The following SEC24A variants were observed in gnomAD, a reference collection of about 807,000 sequenced individuals.
The protein encoded by SEC24A is SEC24 homolog A, COPII component.
SEC24A carries 93 observed loss-of-function variants against 129.4 expected under a neutral mutation model. The ratio of observed to expected loss-of-function variants is 0.72; its 90% CI spans 0.61 to 0.85. SEC24A has a LOEUF of 0.85. Among genes scored for constraint, SEC24A ranks in the 40% least tolerant of loss-of-function variants. SEC24A has a pLI of 0.00. For missense variants in SEC24A, 1,264 were observed against 1,307.4 expected (o/e 0.97, Z 0.51); for synonymous variants, 460 against 467.3 (o/e 0.98, Z 0.20).
rs377411107 is a variant in SEC24A, at chr5:134,698,063, A to G, written c.2266+6A>G. 2.5e-6 allele frequency: 4 copies of G among 1,601,910 alleles called. No homozygotes were observed. The highest frequency in any genetic ancestry group is 1.1e-5 in the South Asian group (1 of 88,250). ...GAGGATTCGGTGCACCAAAGGTAGG[A>G]ATATTTTTTTTTTGCGTAGGACTGA... On this transcript the variant is annotated splice_donor_region_variant and intron_variant, in intron 15 of 22. Transcript: ENST00000398844.
intron 19 of SEC24A, among the ~76,000 whole-genome samples, chr5:134,717,224 C>A (rs953760304): frequency 2.6e-5 from 4 of 151,988 alleles, no homozygotes; most frequent in Non-Finnish European, 4.4e-5. Context: ...AAGTTAATGG[C>A]CAGGCACGGT....
intron 1 of SEC24A, among the ~76,000 whole-genome samples, chr5:134,651,069 C>T (rs923326222): frequency 6.7e-6 from 1 of 149,370 alleles, no homozygotes; most frequent in Admixed American, 6.8e-5. Flanking sequence ...GCCACTGTGC[C>T]TGGCCTCTAC....
At chr5:134,669,618 G>A (rs1580692983) in intron 3 of SEC24A, among the ~76,000 whole-genome samples, 1 of 151,816 alleles carries the variant, frequency 6.6e-6, no homozygotes, top group South Asian at 2.1e-4. Flanking sequence ...TGGGACTACA[G>A]GCGCCTGCCA....
At chr5:134,685,676 G>C (rs1751426989) in intron 9 of SEC24A, among the ~76,000 whole-genome samples, 1 of 151,856 alleles carries the variant, frequency 6.6e-6, no homozygotes, top group South Asian at 2.1e-4. Flanking sequence ...CAAATCTTTG[G>C]ATTTGGAAGT....
chr5:134,661,557 C>T lies in SEC24A; in HGVS notation c.536C>T (p.Pro179Leu). The T allele has an allele frequency of 1.2e-6, 2 of 1,613,292 alleles. No individual in the cohort carries two copies. Among genetic ancestry groups the T allele is most frequent in the Admixed American group, 1.7e-5 (1 of 59,972 alleles). The change falls in exon 2 of 23, where the codon CCT becomes CTT. Residue 179 changes from proline to leucine, a missense_variant. By Grantham distance (98) the Pro-to-Leu change is moderately conservative. Coordinates refer to ENST00000398844, the MANE Select transcript of SEC24A (RefSeq NM_021982.3). ...TNHQYVSSGY[P>L]SLQNSFIKSG... ...CATCAATATGTTTCTTCTGGATATC[C>T]TTCACTTCAAAATAGCTTCATAAAG...
chr5:134,686,970 A>T, intron 10 of SEC24A, 68 bp downstream of exon 10: 1 of 875,272 alleles, frequency 1.1e-6, no homozygotes, highest in South Asian at 1.7e-5. Flanking sequence ...TAGTTTTTGA[A>T]ATTAAAAAAT....
chr5:134,705,538 G>A (rs894416855), intron 17 of SEC24A, 101 bp downstream of exon 17: 1 of 666,262 alleles, frequency 1.5e-6, no homozygotes, highest in Non-Finnish European at 2.6e-6. Context: ...TAGTTTGAAT[G>A]TTTTAGATCC....
At chr5:134,695,005 G>T (rs1055683690) in intron 13 of SEC24A, among the ~76,000 whole-genome samples, 2 of 152,032 alleles carry the variant, frequency 1.3e-5, no homozygotes, top group South Asian at 2.1e-4. Context: ...AGACTGCCTA[G>T]TCTCACTGTT....
In SEC24A at chr5:134,671,809, G is replaced by GT. The variant is rs1262803016; in HGVS notation, c.741dup (p.Ile248TyrfsTer7). ...TCTTGTTGATGAACTTCCTTCTTAGGTATTACATCAAATACCAATAACGGA... is the reference window on the plus strand; with the variant it reads ...TCTTGTTGATGAACTTCCTTCTTAGGTTATTACATCAAATACCAATAACGGA... On this transcript the variant is annotated frameshift_variant and splice_region_variant, in exon 4 of 23. Coordinates refer to ENST00000398844, the MANE Select transcript of SEC24A (RefSeq NM_021982.3). LOFTEE classifies it high-confidence loss of function. 1 of 1,571,124 alleles carries GT rather than the reference G, an allele frequency of 6.4e-7. No individual in the cohort carries two copies. Among genetic ancestry groups the GT allele is most frequent in the Non-Finnish European group, 8.7e-7 (1 of 1,154,172 alleles).
chr5:134,683,451 AC>A (rs1286904333), intron 9 of SEC24A, among the ~76,000 whole-genome samples: 2 of 151,942 alleles, frequency 1.3e-5, no homozygotes, highest in East Asian at 3.9e-4. Flanking sequence ...TCTTTTCTAC[AC>A]CCGTGAGAAT....
In SEC24A at chr5:134,649,054, C is replaced by T. The variant is rs1259302124; in HGVS notation, c.-23C>T. On this transcript the variant is annotated 5_prime_UTR_variant, in exon 1 of 23. Transcript: ENST00000398844. ...CTTGTGCGCTGTTGTCGACCCCGAC[C>T]AGCCCCTTCCAACCCAGTCATCATG... 3 of 1,581,932 alleles carry T rather than the reference C, an allele frequency of 1.9e-6. No individual in the cohort carries two copies. Among genetic ancestry groups the T allele is most frequent in the East Asian group, 4.6e-5 (2 of 43,838 alleles).
intron 20 of SEC24A, 61 bp from the exon 21 acceptor site, chr5:134,720,937 C>A: frequency 1.2e-6 from 1 of 845,434 alleles, no homozygotes; most frequent in Non-Finnish European, 2.0e-6. Flanking sequence ...AAAATGTACT[C>A]ACTCAACAGA....
intron 19 of SEC24A, among the ~76,000 whole-genome samples, chr5:134,715,756 T>C (rs541924571): frequency 6.6e-6 from 1 of 151,018 alleles, no homozygotes; most frequent in African/African-American, 2.4e-5. Flanking sequence ...AAAACCCAGA[T>C]GACAGGTTGA....
In SEC24A at chr5:134,727,051, A is replaced by T. The variant is rs1268413951; in HGVS notation, c.*1957A>T. ...AAACATAACTTTAGTTAGGATTCAC[A>T]ATATTTGTTCTCCACATAATGAGAG... is the stretch of plus-strand genomic sequence containing the variant. On this transcript the variant is annotated 3_prime_UTR_variant, in exon 23 of 23. Transcript: ENST00000398844. The T allele has an allele frequency of 1.3e-5, 2 of 152,590 alleles. No individual in the cohort carries two copies. The highest frequency in any genetic ancestry group is 2.9e-5 in the Non-Finnish European group (2 of 68,012). The allele number at this position is 152,590 out of a possible 1,614,324, so 9.5% of individuals were successfully genotyped here.
At chr5:134,685,610 A>G (rs2150090858) in intron 9 of SEC24A, among the ~76,000 whole-genome samples, 1 of 152,324 alleles carries the variant, frequency 6.6e-6, no homozygotes, top group East Asian at 1.9e-4. Context: ...GGAAGATTGT[A>G]TACTACATAC....
At chr5:134,654,367 G>A (rs570671414) in intron 1 of SEC24A, among the ~76,000 whole-genome samples, 25 of 151,740 alleles carry the variant, frequency 1.6e-4, no homozygotes, top group Admixed American at 5.3e-4. Flanking sequence ...GACTACAGGC[G>A]TGCACCACCA....
chr5:134,675,304 A>G, intron 6 of SEC24A, 87 bp downstream of exon 6: 1 of 955,568 alleles, frequency 1.0e-6, no homozygotes, highest in Non-Finnish European at 1.5e-6. Flanking sequence ...AATAAGCTGT[A>G]CAAATTATTA....
At chr5:134,652,348 G>GC (rs1385926638) in intron 1 of SEC24A, among the ~76,000 whole-genome samples, 1 of 151,948 alleles carries the variant, frequency 6.6e-6, no homozygotes, top group East Asian at 1.9e-4. Context: ...GAGTGCAGTG[G>GC]CGTGATCTTG....
chr5:134,682,402 A>G lies in SEC24A; in HGVS notation c.1411A>G (p.Thr471Ala). 1 of 1,604,938 alleles carries G rather than the reference A, an allele frequency of 6.2e-7. No individual in the cohort carries two copies. The highest frequency in any genetic ancestry group is 1.1e-5 in the South Asian group (1 of 90,680). ...TGAAGAATTCTTGTACAACCCTTTG[A>G]CCAGAGTTTATGGAGAACCTCACAG... ...VPEEFLYNPLTRVYGEPHRRP... is the reference protein window; with the variant it reads ...VPEEFLYNPLARVYGEPHRRP... The change falls in exon 9 of 23, where the codon ACC becomes GCC. Residue 471 changes from threonine to alanine, a missense_variant. Coordinates refer to ENST00000398844, the MANE Select transcript of SEC24A (RefSeq NM_021982.3).
Sources: gnomAD v4.1 joint callset for allele counts (sites outside exome capture counted in the v4.1 genomes callset) on GRCh38, gnomAD v4.1.1 for gene constraint, MANE v1.5 for transcripts, NCBI Gene and HGNC (gene_info 2026-07-23, HGNC 2026-07-21) for gene names.